The following CDH18 variants were observed in gnomAD, a reference collection of about 807,000 sequenced individuals.
The protein encoded by CDH18 is cadherin 18.
CDH18 carries 31 observed loss-of-function variants against 67.9 expected under a neutral mutation model. The ratio of observed to expected loss-of-function variants is 0.46; its 90% CI spans 0.34 to 0.62. The LOEUF (loss-of-function observed/expected upper bound fraction) is 0.62. Among genes scored for constraint, CDH18 ranks in the 20% least tolerant of loss-of-function variants. The pLI is 0.01. For missense variants in CDH18, 890 were observed against 975.5 expected, an observed-to-expected ratio of 0.91 and a Z score of 1.17; for synonymous variants, 362 against 347.2, an observed-to-expected ratio of 1.04 and a Z score of -0.48.
chr5:20,552,560 A>C (rs1757688459), intron 1 of CDH18, among the ~76,000 whole-genome samples: 1 of 152,164 alleles, frequency 6.6e-6, no homozygotes, highest in Non-Finnish European at 1.5e-5. Flanking sequence ...ATACATACTG[A>C]AAAAATAAAT....
intron 2 of CDH18, among the ~76,000 whole-genome samples, chr5:19,863,520 A>G (rs1202265759): frequency 6.6e-6 from 1 of 152,170 alleles, no homozygotes; most frequent in Non-Finnish European, 1.5e-5. Flanking sequence ...GTGCTGACAC[A>G]GGGGAGAGGA....
intron 2 of CDH18, among the ~76,000 whole-genome samples, chr5:20,039,930 A>T (rs547689590): frequency 4.1e-4 from 63 of 152,290 alleles, no homozygotes; most frequent in African/African-American, 1.3e-3. Flanking sequence ...ATGGGAAAAA[A>T]TTTTTGCAAT....
intron 11 of CDH18, among the ~76,000 whole-genome samples, chr5:19,491,120 C>A (rs1008426448): frequency 6.6e-6 from 1 of 152,112 alleles, no homozygotes; most frequent in Non-Finnish European, 1.5e-5. Context: ...TCTCAAGGTG[C>A]ATCTGGATAA....
chr5:19,574,439 C>T (rs898618130), intron 7 of CDH18, among the ~76,000 whole-genome samples: 17 of 152,054 alleles, frequency 1.1e-4, no homozygotes, highest in African/African-American at 2.7e-4. Flanking sequence ...GTTGAATTAA[C>T]GCAACTGGAA....
chr5:20,455,532 T>C lies in CDH18; in HGVS notation c.-580+119930A>G, dbSNP rs183788555. On this transcript the variant is annotated intron_variant, in intron 1 of 14. Transcript: ENST00000507958. ...TCCTTAATAGAATGAGAAGAGGGGA[T>C]AGACGCTAAGATAATGCATAGTGTC... Among the ~76,000 whole-genome samples, 307 of 152,168 alleles carry C rather than the reference T, an allele frequency of 2.0e-3. 1 individual carries two copies. The highest frequency in any genetic ancestry group is 7.0e-3 in the African/African-American group (292 of 41,556).
intron 1 of CDH18, among the ~76,000 whole-genome samples, chr5:20,508,749 T>G (rs1754818261): frequency 2.0e-5 from 3 of 152,034 alleles, no homozygotes; most frequent in Non-Finnish European, 4.4e-5. Flanking sequence ...TGAGTCTCAG[T>G]TCCATTGTTG....
chr5:20,376,145 G>A (rs1299576363), intron 1 of CDH18, among the ~76,000 whole-genome samples: 2 of 107,036 alleles, frequency 1.9e-5, no homozygotes, highest in East Asian at 3.1e-4. Flanking sequence ...CCAGGCTGGA[G>A]TGCGGTGGCG....
At chr5:19,841,603 T>TA (rs1302513763) in intron 2 of CDH18, among the ~76,000 whole-genome samples, 1 of 151,842 alleles carries the variant, frequency 6.6e-6, no homozygotes, top group African/African-American at 2.4e-5. Context: ...TATCTAGCTT[T>TA]TCTTCTTAGA....
At chr5:20,279,445 T>C (rs1448614247) in intron 1 of CDH18, among the ~76,000 whole-genome samples, 1 of 151,920 alleles carries the variant, frequency 6.6e-6, no homozygotes, top group Non-Finnish European at 1.5e-5. Context: ...ATGCCTGTAA[T>C]TCCAGCACTC....
intron 1 of CDH18, among the ~76,000 whole-genome samples, chr5:20,300,307 T>C (rs201036214): frequency 6.8e-5 from 3 of 43,880 alleles, no homozygotes; most frequent in African/African-American, 1.3e-4. Context: ...TGTGTGCGTG[T>C]GTGTGTGTGT....
chr5:20,382,398 T>G (rs2150102292), intron 1 of CDH18, among the ~76,000 whole-genome samples: 1 of 152,278 alleles, frequency 6.6e-6, no homozygotes, highest in Non-Finnish European at 1.5e-5. Flanking sequence ...TTTTTGTTTT[T>G]TTAACTGCAG....
At chr5:20,199,548 G>A (rs1186229929) in intron 2 of CDH18, among the ~76,000 whole-genome samples, 1 of 152,096 alleles carries the variant, frequency 6.6e-6, no homozygotes, top group Non-Finnish European at 1.5e-5. Flanking sequence ...GACTTGCTTT[G>A]CCTCAGATGA....
At chr5:20,444,043 A>G (rs919413992) in intron 1 of CDH18, among the ~76,000 whole-genome samples, 1 of 151,956 alleles carries the variant, frequency 6.6e-6, no homozygotes, top group Non-Finnish European at 1.5e-5. Flanking sequence ...AAAGATGTTT[A>G]TATTATAATT....
chr5:19,601,409 A>C (rs546285489), intron 6 of CDH18, among the ~76,000 whole-genome samples: 4 of 152,320 alleles, frequency 2.6e-5, no homozygotes, highest in Non-Finnish European at 2.9e-5. Flanking sequence ...AATTAGGAAG[A>C]AATGAAAATT....
intron 1 of CDH18, among the ~76,000 whole-genome samples, chr5:20,494,076 C>A (rs1753760379): frequency 1.3e-5 from 2 of 151,944 alleles, no homozygotes; most frequent in Admixed American, 6.6e-5. Context: ...ATGGTTAACC[C>A]CCATCTATAC....
intron 2 of CDH18, among the ~76,000 whole-genome samples, chr5:19,890,341 A>T (rs1788653799): frequency 6.6e-6 from 1 of 152,018 alleles, no homozygotes; most frequent in African/African-American, 2.4e-5. Flanking sequence ...TCCCATCTCA[A>T]GACCCTTAAT....
intron 3 of CDH18, among the ~76,000 whole-genome samples, chr5:19,756,069 C>T (rs2149686669): frequency 6.6e-6 from 1 of 152,228 alleles, no homozygotes; most frequent in South Asian, 2.1e-4. Flanking sequence ...TGAGATCATG[C>T]ATAATCTTCA....
At chr5:19,677,688 C>T (rs114332175) in intron 5 of CDH18, among the ~76,000 whole-genome samples, 2,114 of 151,108 alleles carry the variant, frequency 0.014, 55 homozygotes, top group African/African-American at 0.048. Context: ...CAATGACAAC[C>T]GTAAACTAAA....
chr5:20,241,150 A>T (rs1478760900), intron 2 of CDH18, among the ~76,000 whole-genome samples: 1 of 152,192 alleles, frequency 6.6e-6, no homozygotes, highest in East Asian at 1.9e-4. Flanking sequence ...TGTCTTATTT[A>T]TGGAATTCCT....
Sources: gnomAD v4.1 joint callset for allele counts (sites outside exome capture counted in the v4.1 genomes callset) on GRCh38, gnomAD v4.1.1 for gene constraint, MANE v1.5 for transcripts, NCBI Gene and HGNC (gene_info 2026-07-23, HGNC 2026-07-21) for gene names.